SPIC: variants seen among roughly 807,000 people sequenced by gnomAD.
SPIC encodes the protein transcription factor Spi-C.
In SPIC, 9 loss-of-function variants were observed where a neutral mutation model predicts 16.7. The observed-to-expected ratio is 0.54, with a 90% CI of 0.33 to 0.94. The LOEUF is 0.94. Among genes scored for constraint, SPIC ranks in the 40% least tolerant of loss-of-function variants. The probability of loss-of-function intolerance (pLI) is 0.03; values close to 1 mark genes in which losing one functional copy is unlikely to be tolerated. For missense variants in SPIC, 241 were observed against 285.8 expected (o/e 0.84, Z 1.13); for synonymous variants, 97 against 102.9 (o/e 0.94, Z 0.35).
intron 5 of SPIC, among the ~76,000 whole-genome samples, chr12:101,485,109 G>A (rs1873327527): frequency 1.3e-5 from 2 of 152,124 alleles, no homozygotes; most frequent in Admixed American, 1.3e-4. Flanking sequence ...TGAGGTCTTT[G>A]GATGAGTGAT....
Position 101,477,887 on chromosome 12 carries a change from C to T in SPIC, c.97+236C>T, listed in dbSNP as rs1012028670. Among the ~76,000 whole-genome samples, 6 of 152,048 alleles carry T rather than the reference C, an allele frequency of 3.9e-5. No individual in the cohort carries two copies. In the East Asian group the frequency reaches 9.7e-4, roughly 25 times the overall value. ...CAAAAATTAGCTAGGCATGGTGGCG[C>T]GACTGTAATCCCAGCTACTCTGGGG... On this transcript the variant is annotated intron_variant, in intron 3 of 5. Coordinates refer to ENST00000551346, the MANE Select transcript of SPIC (RefSeq NM_152323.3).
At chr12:101,483,007 C>A (rs1299870489) in intron 5 of SPIC, 107 bp downstream of exon 5, 2 of 897,044 alleles carry the variant, frequency 2.2e-6, no homozygotes, top group Non-Finnish European at 3.5e-6. Flanking sequence ...GCAAAATATT[C>A]TTTTATCACA....
At position 101,477,495 on chromosome 12, in the gene SPIC, A is replaced by G. The variant is rs747381918; in HGVS notation, c.4-63A>G. On this transcript the variant is annotated intron_variant, in intron 2 of 5. Coordinates refer to ENST00000551346, the MANE Select transcript of SPIC (RefSeq NM_152323.3). ...TCCTTTAGACTAAATACTATTTTAA[A>G]TCAGGGAGATTAAGTTTAATTGGTA... is the stretch of plus-strand genomic sequence containing the variant. 20 of 1,447,314 alleles carry G rather than the reference A, an allele frequency of 1.4e-5. 1 individual carries two copies. The highest frequency in any genetic ancestry group is 1.7e-5 in the Non-Finnish European group (18 of 1,031,964). The allele number at this position is 1,447,314 out of a possible 1,614,324, so 89.7% of individuals were successfully genotyped here.
chr12:101,482,989 T>C lies in SPIC; in HGVS notation c.319+89T>C, dbSNP rs971551159. ...AGGGATTTTATAACTGAGTTTGGAA[T>C]TGAATTTGCAAAATATTCTTTTATC... On this transcript the variant is annotated intron_variant, in intron 5 of 5. Coordinates refer to ENST00000551346, the MANE Select transcript of SPIC (RefSeq NM_152323.3). 1.4e-5 allele frequency: 16 copies of C among 1,167,460 alleles called. No individual in the cohort carries two copies. The African/African-American group carries it at 2.5e-4, about 18-fold the overall frequency. 72.3% of individuals were successfully genotyped at this position (1,167,460 alleles called of 1,614,324 possible). A position where few individuals can be genotyped will look rare whatever the true frequency, so the allele number is the denominator to read the frequency against.
chr12:101,479,815 TTTC>T (rs1265371974), intron 4 of SPIC, 121 bp downstream of exon 4: 24 of 579,636 alleles, frequency 4.1e-5, no homozygotes, highest in Non-Finnish European at 6.0e-5. Context: ...TGGTTTTTTC[TTTC>T]TTTTTTTTTT....
chr12:101,479,453 G>A, intron 3 of SPIC, 129 bp from the exon 4 acceptor site: 1 of 631,544 alleles, frequency 1.6e-6, no homozygotes, highest in Non-Finnish European at 2.7e-6. Flanking sequence ...CACCACAGGA[G>A]AAGTGCAAAG....
chr12:101,481,773 CA>C (rs1873206185), intron 4 of SPIC, among the ~76,000 whole-genome samples: 1 of 151,434 alleles, frequency 6.6e-6, no homozygotes, highest in African/African-American at 2.4e-5. Flanking sequence ...CTCGGCCTCC[CA>C]AAGTGTTGGA....
chr12:101,483,560 C>CAT (rs1873275014), intron 5 of SPIC, among the ~76,000 whole-genome samples: 1 of 151,822 alleles, frequency 6.6e-6, no homozygotes, highest in Non-Finnish European at 1.5e-5. Context: ...AATGATAAAA[C>CAT]ATATATACAG....
At chr12:101,483,108 G>A (rs1262710366) in intron 5 of SPIC, among the ~76,000 whole-genome samples, 1 of 98,642 alleles carries the variant, frequency 1.0e-5, no homozygotes, top group Non-Finnish European at 2.5e-5. Flanking sequence ...TTTTTTCTGA[G>A]ACAGAGTCTC....
intron 5 of SPIC, among the ~76,000 whole-genome samples, chr12:101,484,581 T>C (rs1415460236): frequency 6.7e-6 from 1 of 149,504 alleles, no homozygotes; most frequent in Non-Finnish European, 1.5e-5. Context: ...AATAGATAGA[T>C]AAATATATAG....
At chr12:101,485,648 G>C (rs1873341129) in intron 5 of SPIC, among the ~76,000 whole-genome samples, 1 of 152,092 alleles carries the variant, frequency 6.6e-6, no homozygotes, top group Admixed American at 6.5e-5. Flanking sequence ...ATTTTACAAA[G>C]TGCATTTACA....
rs188294469 is a variant in SPIC, at chr12:101,477,469, C to T, written c.4-89C>T. 782 of 1,244,198 alleles carry T rather than the reference C, an allele frequency of 6.3e-4. 8 individuals are homozygous for T. The East Asian group carries it at 0.017, about 27-fold the overall frequency. The allele number at this position is 1,244,198 out of a possible 1,614,324, so 77.1% of individuals were successfully genotyped here. ...CCCATAGTGTCAAGATTGAGAAACC[C>T]TCCTTTAGACTAAATACTATTTTAA... On this transcript the variant is annotated intron_variant, in intron 2 of 5. Coordinates refer to ENST00000551346, the MANE Select transcript of SPIC (RefSeq NM_152323.3).
At chr12:101,476,790 G>A (rs1872968886) in intron 1 of SPIC, 38 bp from the exon 2 acceptor site, 1 of 541,474 alleles carries the variant, frequency 1.8e-6, no homozygotes, top group East Asian at 3.3e-5. Context: ...ATTAGAGACT[G>A]CATTTAATTT....
At chr12:101,479,356 A>C (rs929308847) in intron 3 of SPIC, among the ~76,000 whole-genome samples, 15 of 151,216 alleles carry the variant, frequency 9.9e-5, no homozygotes, top group African/African-American at 3.6e-4. Context: ...AGAAAGAAAG[A>C]AATCATGCGG....
intron 4 of SPIC, 101 bp from the exon 5 acceptor site, chr12:101,482,691 G>A: frequency 3.6e-6 from 4 of 1,104,702 alleles, no homozygotes; most frequent in Non-Finnish European, 5.2e-6. Context: ...TTGCAATCTG[G>A]GAGACGCTTA....
chr12:101,482,552 AG>A (rs1465687571), intron 4 of SPIC, among the ~76,000 whole-genome samples: 6 of 152,010 alleles, frequency 3.9e-5, no homozygotes. Flanking sequence ...TCTTTCTTGT[AG>A]GGAGGGTAGG....
intron 3 of SPIC, among the ~76,000 whole-genome samples, chr12:101,479,158 GAAAGAAAGAAAGAA>G (rs1379678978): frequency 5.1e-5 from 4 of 78,326 alleles, no homozygotes; most frequent in Non-Finnish European, 1.1e-4. Context: ...AGAAAGAAAA[GAAAGAAAGAAAGAA>G]AAAGAAAGAA....
intron 4 of SPIC, among the ~76,000 whole-genome samples, chr12:101,480,720 C>T (rs1873160578): frequency 6.6e-6 from 1 of 152,156 alleles, no homozygotes; most frequent in African/African-American, 2.4e-5. Context: ...GGCTCAGTGG[C>T]TCACGCCTGT....
intron 2 of SPIC, 123 bp from the exon 3 acceptor site, chr12:101,477,435 C>A: frequency 1.1e-6 from 1 of 880,004 alleles, no homozygotes; most frequent in Non-Finnish European, 1.8e-6. Context: ...AGACAGCCAA[C>A]ACCAAATGCC....
Sources: gnomAD v4.1 joint callset for allele counts (sites outside exome capture counted in the v4.1 genomes callset) on GRCh38, gnomAD v4.1.1 for gene constraint, MANE v1.5 for transcripts, NCBI Gene and HGNC (gene_info 2026-07-23, HGNC 2026-07-21) for gene names.